Variants in EML5 observed in about 807,000 individuals in gnomAD.
EML5 encodes echinoderm microtubule-associated protein-like 5.
In EML5, 120 loss-of-function variants were observed where a neutral mutation model predicts 250.0. The ratio of observed to expected loss-of-function variants is 0.48; its 90% CI spans 0.41 to 0.56. The LOEUF (loss-of-function observed/expected upper bound fraction) is 0.56. EML5 is among the 20% of genes least tolerant of loss of function. The pLI, the probability that EML5 is intolerant of heterozygous loss-of-function variation, is 0.00. For synonymous variants in EML5, 771 were observed against 806.5 expected (o/e 0.96, Z 0.75); for missense variants, 2,006 against 2,437.6 (o/e 0.82, Z 3.73).
intron 7 of EML5, among the ~76,000 whole-genome samples, chr14:88,727,038 TTTGTTG>T (rs74278116): frequency 5.2e-4 from 79 of 151,360 alleles, no homozygotes; most frequent in African/African-American, 1.7e-3. Flanking sequence ...CTGGCTATGT[TTTGTTG>T]TTGTTGTTGT....
chr14:88,699,330 T>TA (rs2093155369), intron 14 of EML5, among the ~76,000 whole-genome samples: 3 of 151,966 alleles, frequency 2.0e-5, no homozygotes, highest in African/African-American at 7.2e-5. Context: ...TAGAAAGAGA[T>TA]AAAAAGGGGA....
At chr14:88,705,371 C>T in intron 12 of EML5, 111 bp downstream of exon 12, 1 of 835,410 alleles carries the variant, frequency 1.2e-6, no homozygotes, top group Non-Finnish European at 2.0e-6. Context: ...TATAGTCATA[C>T]ATTGCTTGAG....
intron 43 of EML5, 29 bp from the exon 44 acceptor site, chr14:88,615,883 GTTAA>G (rs1567008330): frequency 7.5e-6 from 12 of 1,599,696 alleles, no homozygotes; most frequent in Non-Finnish European, 9.4e-6. Context: ...ATTGCAGGGA[GTTAA>G]TTATGTTTTT....
At chr14:88,711,516 T>C (rs754482574) in intron 10 of EML5, among the ~76,000 whole-genome samples, 17 of 151,546 alleles carry the variant, frequency 1.1e-4, no homozygotes, top group South Asian at 2.1e-4. Flanking sequence ...TATAAAACCA[T>C]TGGATCTCGT....
chr14:88,704,668 T>C (rs2093282084), intron 13 of EML5, among the ~76,000 whole-genome samples, 192 bp downstream of exon 13: 1 of 152,208 alleles, frequency 6.6e-6, no homozygotes, highest in African/African-American at 2.4e-5. Context: ...TTTTAAAAAA[T>C]ATCTTTCAAT....
At chr14:88,746,645 G>T (rs1332342959) in intron 2 of EML5, among the ~76,000 whole-genome samples, 5 of 152,054 alleles carry the variant, frequency 3.3e-5, no homozygotes, top group Non-Finnish European at 7.4e-5. Context: ...GGGAAACCTG[G>T]AGGATGAGAA....
chr14:88,617,357 G>C (rs1483400815), intron 41 of EML5: 1 of 153,214 alleles, frequency 6.5e-6, no homozygotes, highest in African/African-American at 2.4e-5. Flanking sequence ...ATGTTGGTCA[G>C]GCTAGTCTCG....
At chr14:88,708,028 C>T (rs986544723) in intron 10 of EML5, among the ~76,000 whole-genome samples, 1 of 152,014 alleles carries the variant, frequency 6.6e-6, no homozygotes, top group African/African-American at 2.4e-5. Flanking sequence ...CTGCCTATAC[C>T]GAGTGATAGA....
At chr14:88,752,714 C>A (rs1227537148) in intron 2 of EML5, among the ~76,000 whole-genome samples, 3 of 152,170 alleles carry the variant, frequency 2.0e-5, no homozygotes, top group Non-Finnish European at 2.9e-5. Context: ...CTCCTGTTTT[C>A]CCACCCGAAT....
chr14:88,688,503 C>T, intron 17 of EML5, 30 bp from the exon 18 acceptor site: 2 of 1,594,900 alleles, frequency 1.3e-6, no homozygotes, highest in Non-Finnish European at 8.6e-7. Context: ...ATGAAAGTAC[C>T]ACTTTCAAAA....
Position 88,612,770 on chromosome 14 carries a change from C to CTGTATTACTTACAGAGTTTT in EML5, c.*3028_*3047dup, listed in dbSNP as rs1431011904. 1 of 152,434 alleles carries CTGTATTACTTACAGAGTTTT rather than the reference C, an allele frequency of 6.6e-6. No individual in the cohort carries two copies. The allele number at this position is 152,434 out of a possible 1,614,324, so 9.4% of individuals were successfully genotyped here. On this transcript the variant is annotated 3_prime_UTR_variant, in exon 44 of 44. Coordinates refer to ENST00000554922, the MANE Select transcript of EML5 (RefSeq NM_183387.3). ...TAGATAGGATGAAACTTTTGGCCTA[C>CTGTATTACTTACAGAGTTTT]TGTATTACTTACAGAGTTTTTTTGT...
intron 35 of EML5, chr14:88,626,614 GT>G (rs1449191608): frequency 3.8e-6 from 2 of 520,090 alleles, no homozygotes; most frequent in Non-Finnish European, 6.8e-6. Context: ...GAGATACTGT[GT>G]CAAAAAAAAA....
chr14:88,746,286 G>A lies in EML5; in HGVS notation c.358-3C>T, dbSNP rs1421719640. 1.2e-6 allele frequency: 2 copies of A among 1,611,804 alleles called. No homozygotes were observed. The highest frequency in any genetic ancestry group is 1.7e-5 in the Admixed American group (1 of 59,682). On this transcript the variant is annotated splice_region_variant and splice_polypyrimidine_tract_variant and intron_variant, in intron 2 of 43. Coordinates refer to ENST00000554922, the MANE Select transcript of EML5 (RefSeq NM_183387.3). ...TCAAGTCCAACTGAAACCAAGCGCT[G>A]ATTTATGTCCAAGAAGTCCAGGAAG...
rs1364983506 is a variant in EML5, at chr14:88,620,794, C to T, written c.5335G>A (p.Gly1779Arg). 1 of 1,606,146 alleles carries T rather than the reference C, an allele frequency of 6.2e-7. No individual in the cohort carries two copies. Among genetic ancestry groups the T allele is most frequent in the South Asian group, 1.1e-5 (1 of 89,118 alleles). Residue 1779 changes from glycine to arginine, a missense_variant, in exon 39 of 44, where the codon GGA becomes AGA. Gly to Arg is a moderately radical substitution (Grantham distance 125). Coordinates refer to ENST00000554922, the MANE Select transcript of EML5 (RefSeq NM_183387.3). This position sits in a 1 kb window ranked among gnomAD's most constrained non-coding sequence, Gnocchi z 4.3. Reference protein sequence around the residue: ...ILLVSSLKIWGKKRDRRCAIH... With the variant: ...ILLVSSLKIWRKKRDRRCAIH... ...GCACATCTCCTGTCTCTCTTCTTTC[C>T]CCATATTTTTAGAGAACTCACTAGT...
intron 1 of EML5, among the ~76,000 whole-genome samples, chr14:88,766,010 T>C (rs1223301994): frequency 6.6e-6 from 1 of 152,220 alleles, no homozygotes; most frequent in Non-Finnish European, 1.5e-5. Context: ...TTTACTGCAA[T>C]CTCTGAACAT....
chr14:88,748,788 T>A (rs922962245), intron 2 of EML5, among the ~76,000 whole-genome samples: 1 of 151,808 alleles, frequency 6.6e-6, no homozygotes, highest in South Asian at 2.1e-4. Context: ...TTATCTAAAA[T>A]GAAAATTTAC....
intron 21 of EML5, among the ~76,000 whole-genome samples, chr14:88,675,907 C>A (rs1463423978): frequency 2.6e-5 from 4 of 152,126 alleles, no homozygotes; most frequent in African/African-American, 9.7e-5. Flanking sequence ...TGCCACCAGT[C>A]TCTTTGCTAA....
rs141787235 is a variant in EML5 at position 88,702,431 on chromosome 14, G to A, written c.2238+15C>T. ...GTGTAGCTTATCTGGCTTATTGTCA[G>A]TCTTTCAAACCTACCTGGCCTGTTG... On this transcript the variant is annotated intron_variant, in intron 14 of 43. Transcript: ENST00000554922. The A allele has an allele frequency of 1.9e-6, 3 of 1,586,486 alleles. No homozygotes were observed. The highest frequency in any genetic ancestry group is 2.6e-6 in the Non-Finnish European group (3 of 1,167,668).
Position 88,754,496 on chromosome 14 carries a change from A to G in EML5, c.357+16T>C. 1 of 1,564,540 alleles carries G rather than the reference A, an allele frequency of 6.4e-7. No homozygotes were observed. The highest frequency in any genetic ancestry group is 2.3e-5 in the East Asian group (1 of 43,816). ...TTAACATACAATTTAGAAAAAAATG[A>G]AAAACTGTCACATACCTGTCCATCT... On this transcript the variant is annotated intron_variant, in intron 2 of 43. Transcript: ENST00000554922.
Sources: allele counts gnomAD v4.1 joint callset (sites outside exome capture counted in the v4.1 genomes callset), GRCh38; gene constraint gnomAD v4.1.1; non-coding constraint Gnocchi (gnomAD v3.1); transcripts MANE v1.5; gene names NCBI Gene and HGNC (gene_info 2026-07-23, HGNC 2026-07-21).